The following TMEM140 variants were observed in gnomAD, a reference collection of about 807,000 sequenced individuals.
The protein encoded by TMEM140 is transmembrane protein 140.
For missense variants in TMEM140, 236 were observed against 228.5 expected (o/e 1.03, Z -0.21); for synonymous variants, 107 against 106.8 (o/e 1.00, Z -0.01).
At position 135,165,151 on chromosome 7, in the gene TMEM140, G is replaced by T; in HGVS notation, c.*152G>T. Reference sequence around the variant, plus strand: ...GGGCCCCTGTGTCAAAGAGGCCGAGGGGCAGCAAGGGCAGCCAGGGCACCT... The same window carrying T: ...GGGCCCCTGTGTCAAAGAGGCCGAGTGGCAGCAAGGGCAGCCAGGGCACCT... On this transcript the variant is annotated 3_prime_UTR_variant, in exon 2 of 2. Coordinates refer to ENST00000275767, the MANE Select transcript of TMEM140 (RefSeq NM_018295.5). 1 of 787,306 alleles carries T rather than the reference G, an allele frequency of 1.3e-6. No individual in the cohort carries two copies. The highest frequency in any genetic ancestry group is 2.0e-6 in the Non-Finnish European group (1 of 506,028). 48.8% of individuals were successfully genotyped at this position (787,306 alleles called of 1,614,324 possible). A position where few individuals can be genotyped will look rare whatever the true frequency, so the allele number is the denominator to read the frequency against.
intron 1 of TMEM140, among the ~76,000 whole-genome samples, chr7:135,154,175 A>G (rs1259381099): frequency 2.0e-5 from 3 of 151,988 alleles, no homozygotes; most frequent in African/African-American, 7.3e-5. Context: ...TATCAGTTGT[A>G]ATGTCTTTTT....
rs147393389 is a variant in TMEM140, at chr7:135,151,761, C to G, written c.-25+3491C>G. ...GATGAGGATGTGAGGCTCAGGCTGGCTATGTAACTTGCCCAAGGTCATATG... is the reference window on the plus strand; with the variant it reads ...GATGAGGATGTGAGGCTCAGGCTGGGTATGTAACTTGCCCAAGGTCATATG... On this transcript the variant is annotated intron_variant, in intron 1 of 1. Coordinates refer to ENST00000275767, the MANE Select transcript of TMEM140 (RefSeq NM_018295.5). This position sits in a 1 kb window ranked among gnomAD's most constrained non-coding sequence, Gnocchi z 4.3. 1.4e-3 allele frequency among the ~76,000 whole-genome samples: 219 copies of G among 152,304 alleles called. No homozygotes were observed. The highest frequency in any genetic ancestry group is 2.6e-3 in the Admixed American group (40 of 15,302).
intron 1 of TMEM140, among the ~76,000 whole-genome samples, chr7:135,152,255 C>A (rs529804969): frequency 1.0e-3 from 153 of 152,332 alleles, no homozygotes; most frequent in African/African-American, 3.6e-3. Context: ...GCTTCAAGGT[C>A]CATGCTCAGA....
At chr7:135,160,703 G>A (rs915300785) in intron 1 of TMEM140, among the ~76,000 whole-genome samples, 1 of 151,514 alleles carries the variant, frequency 6.6e-6, no homozygotes, top group Non-Finnish European at 1.5e-5. Flanking sequence ...AAAGAACTCA[G>A]GGAGCCTATG....
chr7:135,162,475 AAG>A (rs1393623914), intron 1 of TMEM140, among the ~76,000 whole-genome samples: 3 of 152,244 alleles, frequency 2.0e-5, no homozygotes, highest in African/African-American at 7.2e-5. Context: ...TGAAAAGAAA[AAG>A]AGGTTTAATG....
At chr7:135,164,388 GA>G in intron 1 of TMEM140, 29 bp from the exon 2 acceptor site, 1 of 1,523,752 alleles carries the variant, frequency 6.6e-7, no homozygotes, top group Non-Finnish European at 9.0e-7. Flanking sequence ...GCAAGGGAGA[GA>G]TGGACTGACT....
Position 135,164,441 on chromosome 7 carries a change from G to A in TMEM140, c.-1G>A. On this transcript the variant is annotated 5_prime_UTR_variant, in exon 2 of 2. Coordinates refer to ENST00000275767, the MANE Select transcript of TMEM140 (RefSeq NM_018295.5). Reference sequence around the variant, plus strand: ...AGGTCCCCCGGCAGAGGGCAGTAGAGATGGCCGGCCCAAGGCCTCGGTGGC... The same window carrying A: ...AGGTCCCCCGGCAGAGGGCAGTAGAAATGGCCGGCCCAAGGCCTCGGTGGC... 6.3e-7 allele frequency: 1 copy of A among 1,596,682 alleles called. No homozygotes were observed. The highest frequency in any genetic ancestry group is 8.6e-7 in the Non-Finnish European group (1 of 1,165,252).
At chr7:135,158,973 C>T (rs931657076) in intron 1 of TMEM140, among the ~76,000 whole-genome samples, 4 of 152,252 alleles carry the variant, frequency 2.6e-5, no homozygotes, top group African/African-American at 4.8e-5. Flanking sequence ...TTAGGCAGCT[C>T]CGAATGTCAG....
Position 135,161,427 on chromosome 7 carries a change from T to C in TMEM140, c.-24-2991T>C, listed in dbSNP as rs1829934935. Among the ~76,000 whole-genome samples, 1 of 152,210 alleles carries C rather than the reference T, an allele frequency of 6.6e-6. No individual in the cohort carries two copies. The highest frequency in any genetic ancestry group is 2.4e-5 in the African/African-American group (1 of 41,446). ...AGGCATCCCCAAGTCCCTTCCCAGTTGGTCCTGAACAATGGAGGAGGTCAA... is the reference window on the plus strand; with the variant it reads ...AGGCATCCCCAAGTCCCTTCCCAGTCGGTCCTGAACAATGGAGGAGGTCAA... On this transcript the variant is annotated intron_variant, in intron 1 of 1. Coordinates refer to ENST00000275767, the MANE Select transcript of TMEM140 (RefSeq NM_018295.5). The surrounding 1 kb of genome is among the most constrained non-coding windows in gnomAD (Gnocchi z 4.1).
At chr7:135,157,007 C>T (rs1829812105) in intron 1 of TMEM140, among the ~76,000 whole-genome samples, 1 of 152,172 alleles carries the variant, frequency 6.6e-6, no homozygotes, top group Non-Finnish European at 1.5e-5. Flanking sequence ...TGTGTTTCAC[C>T]TCCTGCCAGG....
At chr7:135,164,204 T>C (rs1830021395) in intron 1 of TMEM140, among the ~76,000 whole-genome samples, 1 of 152,268 alleles carries the variant, frequency 6.6e-6, no homozygotes, top group African/African-American at 2.4e-5. Context: ...GAGAGACTTT[T>C]CCTCCTGACC....
In TMEM140 at chr7:135,164,437, T is replaced by C; in HGVS notation, c.-5T>C. On this transcript the variant is annotated 5_prime_UTR_variant, in exon 2 of 2. Transcript: ENST00000275767. ...CCGCAGGTCCCCCGGCAGAGGGCAG[T>C]AGAGATGGCCGGCCCAAGGCCTCGG... 6.3e-7 allele frequency: 1 copy of C among 1,596,214 alleles called. No individual in the cohort carries two copies. Among genetic ancestry groups the C allele is most frequent in the African/African-American group, 1.3e-5 (1 of 74,694 alleles).
intron 1 of TMEM140, among the ~76,000 whole-genome samples, chr7:135,153,450 T>C (rs1225267346): frequency 1.3e-5 from 1 of 77,674 alleles, no homozygotes; most frequent in Non-Finnish European, 2.4e-5. Context: ...CAAGACTCCA[T>C]CTCCACAAAA....
Position 135,164,681 on chromosome 7 carries a change from G to A in TMEM140, c.240G>A (p.Leu80=), listed in dbSNP as rs749840681. The change falls in exon 2 of 2, where the codon CTG becomes CTA. Residue 80 remains leucine (L), a synonymous_variant. Coordinates refer to ENST00000275767, the MANE Select transcript of TMEM140 (RefSeq NM_018295.5). ...LEALGVPRVG[L]GLARLGVYGS... is the part of the protein sequence containing the mutation. ...CCCTGGGGGTGCCTCGGGTTGGCCT[G>A]GGCCTGGCCAGGCTTGGCGTGTACG... 1.1e-5 allele frequency: 18 copies of A among 1,613,934 alleles called. No individual in the cohort carries two copies. Among genetic ancestry groups the A allele is most frequent in the Non-Finnish European group, 1.5e-5 (18 of 1,179,880 alleles).
chr7:135,164,214 C>T (rs1028737921), intron 1 of TMEM140, among the ~76,000 whole-genome samples: 1 of 152,228 alleles, frequency 6.6e-6, no homozygotes, highest in Admixed American at 6.5e-5. Context: ...TCCTCCTGAC[C>T]TCAAATCAGA....
chr7:135,162,773 G>A (rs529974754), intron 1 of TMEM140, among the ~76,000 whole-genome samples: 59 of 152,276 alleles, frequency 3.9e-4, no homozygotes, highest in Admixed American at 2.7e-3. Context: ...CATATCAGCC[G>A]AAACTTATCC....
At chr7:135,155,258 T>C (rs1175362524) in intron 1 of TMEM140, among the ~76,000 whole-genome samples, 1 of 152,228 alleles carries the variant, frequency 6.6e-6, no homozygotes, top group Non-Finnish European at 1.5e-5. Flanking sequence ...GTAAGCAGCA[T>C]GGATCATGTT....
intron 1 of TMEM140, among the ~76,000 whole-genome samples, chr7:135,153,448 C>G (rs1829710651): frequency 1.7e-5 from 2 of 116,552 alleles, no homozygotes; most frequent in African/African-American, 7.0e-5. Flanking sequence ...AGCAAGACTC[C>G]ATCTCCACAA....
chr7:135,163,531 G>A (rs1035041580), intron 1 of TMEM140, among the ~76,000 whole-genome samples: 1 of 152,122 alleles, frequency 6.6e-6, no homozygotes, highest in Non-Finnish European at 1.5e-5. Context: ...TGTAGTCCCA[G>A]CTACTCGGGA....
Sources: gnomAD v4.1 joint callset for allele counts (sites outside exome capture counted in the v4.1 genomes callset) on GRCh38, gnomAD v4.1.1 for gene constraint, Gnocchi (gnomAD v3.1) non-coding constraint, MANE v1.5 for transcripts, NCBI Gene and HGNC (gene_info 2026-07-23, HGNC 2026-07-21) for gene names.